PDE1C: variants seen among roughly 807,000 people sequenced by gnomAD.
PDE1C encodes the protein dual specificity calcium/calmodulin-dependent 3',5'-cyclic nucleotide phosphodiesterase 1C.
PDE1C carries 62 observed loss-of-function variants against 93.1 expected under a neutral mutation model. The observed-to-expected ratio is 0.67, with a 90% confidence interval of 0.54 to 0.82. The LOEUF (loss-of-function observed/expected upper bound fraction) is 0.82. Among genes scored for constraint, PDE1C ranks in the 40% least tolerant of loss-of-function variants. The probability of loss-of-function intolerance (pLI) is 0.00; values close to 1 mark genes in which losing one functional copy is unlikely to be tolerated. For synonymous variants in PDE1C, 325 were observed against 310.1 expected (o/e 1.05, Z -0.50); for missense variants, 742 against 884.6 (o/e 0.84, Z 2.04).
At chr7:32,285,733 G>C (rs970398173) in intron 1 of PDE1C, among the ~76,000 whole-genome samples, 1 of 147,534 alleles carries the variant, frequency 6.8e-6, no homozygotes, top group African/African-American at 2.5e-5. Flanking sequence ...AGGGAAGGGA[G>C]TGGTACTGGG....
intron 2 of PDE1C, among the ~76,000 whole-genome samples, chr7:32,015,292 G>GT (rs976502583): frequency 5.6e-5 from 7 of 124,370 alleles, no homozygotes; most frequent in Non-Finnish European, 1.3e-4. Flanking sequence ...ATTCAAATGA[G>GT]TTTAAAAAAA....
At chr7:32,147,703 C>G (rs957649249) in intron 3 of PDE1C, among the ~76,000 whole-genome samples, 5 of 151,992 alleles carry the variant, frequency 3.3e-5, no homozygotes, top group African/African-American at 1.2e-4. Context: ...TTCCTCCCAC[C>G]CCCCCTCCAA....
chr7:32,090,429 T>G (rs2128744311), intron 3 of PDE1C, among the ~76,000 whole-genome samples: 1 of 152,304 alleles, frequency 6.6e-6, no homozygotes, highest in Admixed American at 6.5e-5. Flanking sequence ...TACCAGGGAC[T>G]TAGAAGGCAA....
At position 32,416,026 on chromosome 7, in the gene PDE1C, C is replaced by T. The variant is rs575534256; in HGVS notation, c.310+11796G>A. 2.0e-5 allele frequency among the ~76,000 whole-genome samples: 3 copies of T among 152,276 alleles called. No homozygotes were observed. The East Asian group carries it at 5.8e-4, about 30-fold the overall frequency. ...AGGCTCCACCAGGGTGGAGGGGCAA[C>T]GGTGCCCTCCCTGATGCCAGCACAC... On this transcript the variant is annotated intron_variant, in intron 1 of 1. Coordinates refer to the PDE1C transcript ENST00000672256.
At chr7:31,970,220 G>A (rs867757023) in intron 2 of PDE1C, among the ~76,000 whole-genome samples, 21 of 152,246 alleles carry the variant, frequency 1.4e-4, no homozygotes, top group African/African-American at 4.6e-4. Flanking sequence ...CAAAACAAAC[G>A]AGCTGACATA....
intron 2 of PDE1C, among the ~76,000 whole-genome samples, chr7:32,031,896 T>C (rs1790372890): frequency 6.6e-6 from 1 of 152,126 alleles, no homozygotes; most frequent in Non-Finnish European, 1.5e-5. Flanking sequence ...CACAGGTTTG[T>C]ACCGCAGGAG....
rs1490370975 is a variant in PDE1C, at chr7:31,930,910, TG to T, written c.129-50051del. Among the ~76,000 whole-genome samples the T allele has an allele frequency of 3.4e-5, 5 of 145,346 alleles. No individual in the cohort carries two copies. In the East Asian group the frequency reaches 1.1e-3, roughly 31 times the overall value. ...ACCACTATCAAGTTGGCTTCATCCC[TG>T]GGATGGAAGGCTTGTTCAACATATG... On this transcript the variant is annotated intron_variant, in intron 2 of 17. Coordinates refer to ENST00000396191, the MANE Select transcript of PDE1C (RefSeq NM_001191057.4).
intron 2 of PDE1C, among the ~76,000 whole-genome samples, chr7:31,981,076 A>G (rs1035069150): frequency 6.6e-6 from 1 of 152,118 alleles, no homozygotes; most frequent in African/African-American, 2.4e-5. Flanking sequence ...CACTTACCAT[A>G]TTGACTCTTA....
intron 9 of PDE1C, among the ~76,000 whole-genome samples, chr7:31,844,722 C>A (rs1194024199): frequency 6.6e-6 from 1 of 151,872 alleles, no homozygotes; most frequent in Non-Finnish European, 1.5e-5. Flanking sequence ...TCTTCAAATT[C>A]TTTTTCTTTC....
intron 2 of PDE1C, among the ~76,000 whole-genome samples, chr7:32,014,864 G>A (rs1018082051): frequency 3.3e-5 from 5 of 152,100 alleles, no homozygotes; most frequent in African/African-American, 1.2e-4. Flanking sequence ...ATTTGTATGT[G>A]ATATGGTTAG....
chr7:31,873,088 A>G (rs1234655799), intron 6 of PDE1C, among the ~76,000 whole-genome samples: 1 of 152,062 alleles, frequency 6.6e-6, no homozygotes, highest in Non-Finnish European at 1.5e-5. Flanking sequence ...TGTCTCTCCC[A>G]TGCCGCTGAG....
At chr7:32,150,282 T>C (rs1282618905) in intron 3 of PDE1C, among the ~76,000 whole-genome samples, 3 of 152,188 alleles carry the variant, frequency 2.0e-5, no homozygotes, top group Non-Finnish European at 4.4e-5. Context: ...TTACTCACAC[T>C]GTGTAAGAGA....
At chr7:32,225,020 TTTAA>T (rs61112926) in intron 1 of PDE1C, among the ~76,000 whole-genome samples, 28,847 of 131,838 alleles carry the variant, frequency 0.22, 3,347 homozygotes, top group East Asian at 0.33. Context: ...ACCTTTCTTA[TTTAA>T]AAAAAAAAAA....
intron 2 of PDE1C, among the ~76,000 whole-genome samples, chr7:32,177,593 C>A (rs1803099448): frequency 6.6e-6 from 1 of 152,150 alleles, no homozygotes; most frequent in Non-Finnish European, 1.5e-5. Context: ...TGGCCACTAT[C>A]CATGGGCCTT....
the PDE1C span, among the ~76,000 whole-genome samples, chr7:31,676,467 G>C: frequency 6.6e-6 from 1 of 151,630 alleles, no homozygotes; most frequent in East Asian, 1.9e-4. Context: ...AGGCCAAAAG[G>C]GAAATACTAA....
At chr7:32,397,997 A>T (rs690826) in intron 1 of PDE1C, among the ~76,000 whole-genome samples, 134,075 of 151,846 alleles carry the variant, frequency 0.88, 60,920 homozygotes, top group East Asian at 0.99. Flanking sequence ...TACTAAAAAT[A>T]AAAAAATTAG....
chr7:32,377,339 C>A (rs370710603), intron 1 of PDE1C, among the ~76,000 whole-genome samples: 1 of 152,198 alleles, frequency 6.6e-6, no homozygotes, highest in East Asian at 1.9e-4. Context: ...GCACTTTGTT[C>A]ATACCACTAT....
At chr7:32,289,364 C>T (rs1020657253) in intron 1 of PDE1C, among the ~76,000 whole-genome samples, 1 of 152,174 alleles carries the variant, frequency 6.6e-6, no homozygotes, top group Non-Finnish European at 1.5e-5. Flanking sequence ...GAACCGTGAT[C>T]GTACCATTGC....
At chr7:32,407,493 C>A (rs1490211279) in intron 1 of PDE1C, among the ~76,000 whole-genome samples, 1 of 152,072 alleles carries the variant, frequency 6.6e-6, no homozygotes, top group African/African-American at 2.4e-5. Flanking sequence ...CCTGCAATGC[C>A]CTCCTTCATA....
Sources: gnomAD v4.1 joint callset for allele counts (sites outside exome capture counted in the v4.1 genomes callset) on GRCh38, gnomAD v4.1.1 for gene constraint, MANE v1.5 for transcripts, NCBI Gene and HGNC (gene_info 2026-07-23, HGNC 2026-07-21) for gene names.